NR3C1: variants seen among roughly 807,000 people sequenced by gnomAD.
The protein encoded by NR3C1 is glucocorticoid receptor.
In NR3C1, 14 loss-of-function variants were observed where a neutral mutation model predicts 74.0. The observed-to-expected ratio is 0.19, with a 90% CI of 0.12 to 0.30. NR3C1 has a LOEUF of 0.30. Ranked by LOEUF, NR3C1 falls within the 10% of genes least tolerant of loss-of-function variation. The pLI is 1.00. For synonymous variants in NR3C1, 308 were observed against 332.5 expected (o/e 0.93, Z 0.80); for missense variants, 695 against 909.8 (o/e 0.76, Z 3.04).
In NR3C1 at chr5:143,278,682, G is replaced by C. The variant is rs1812680829; in HGVS notation, c.*3207C>G. 6.6e-6 allele frequency: 1 copy of C among 152,174 alleles called. No homozygotes were observed. Among genetic ancestry groups the C allele is most frequent in the South Asian group, 2.1e-4 (1 of 4,834 alleles). 9.4% of individuals were successfully genotyped at this position (152,174 alleles called of 1,614,324 possible). A position where few individuals can be genotyped will look rare whatever the true frequency, so the allele number is the denominator to read the frequency against. ...CTACCATGGTTCTGGAAGTTTGACA[G>C]ATCAATGTATTGTATAACAATATTT... On this transcript the variant is annotated 3_prime_UTR_variant, in exon 9 of 9. Coordinates refer to ENST00000394464, the MANE Select transcript of NR3C1 (RefSeq NM_000176.3).
chr5:143,283,125 C>T (rs1007049094), intron 7 of NR3C1, among the ~76,000 whole-genome samples: 4 of 152,172 alleles, frequency 2.6e-5, no homozygotes, highest in Admixed American at 1.3e-4. Context: ...CCTCCTGCCT[C>T]GGCCTCCCAA....
chr5:143,299,389 GTAAACATGAAC>G (rs1273871456), intron 5 of NR3C1, among the ~76,000 whole-genome samples: 1 of 149,578 alleles, frequency 6.7e-6, no homozygotes. Flanking sequence ...GTCTGCTTAA[GTAAACATGAAC>G]TAAATAGTAA....
At chr5:143,404,383 C>G, upstream of NR3C1, 2 of 984,186 alleles carry the variant, frequency 2.0e-6, no homozygotes, top group Non-Finnish European at 2.4e-6. Context: ...TACTTTGGGC[C>G]CGGGGGGAGT....
At chr5:143,366,330 G>C (rs1232051476) in intron 2 of NR3C1, among the ~76,000 whole-genome samples, 1 of 152,056 alleles carries the variant, frequency 6.6e-6, no homozygotes, top group Non-Finnish European at 1.5e-5. Context: ...CCAACATGGT[G>C]AAACCCCGTC....
At chr5:143,425,356 G>T (rs1751475232) in intron 1 of NR3C1, among the ~76,000 whole-genome samples, 1 of 152,098 alleles carries the variant, frequency 6.6e-6, no homozygotes, top group Non-Finnish European at 1.5e-5. Flanking sequence ...AGTCAAACTG[G>T]ACTTCATCAC....
chr5:143,353,875 A>G (rs1444583933), intron 2 of NR3C1, among the ~76,000 whole-genome samples: 1 of 152,206 alleles, frequency 6.6e-6, no homozygotes, highest in Non-Finnish European at 1.5e-5. Flanking sequence ...TGTCCTCTGA[A>G]GCCAGACATT....
At chr5:143,363,489 C>T (rs557593290) in intron 2 of NR3C1, among the ~76,000 whole-genome samples, 2 of 152,132 alleles carry the variant, frequency 1.3e-5, no homozygotes, top group East Asian at 1.9e-4. Flanking sequence ...AAAATCATTG[C>T]GTGAACCCAG....
intron 2 of NR3C1, among the ~76,000 whole-genome samples, chr5:143,362,610 C>T (rs1483914799): frequency 6.6e-6 from 1 of 152,088 alleles, no homozygotes; most frequent in Non-Finnish European, 1.5e-5. Context: ...ATCCACCTGC[C>T]TCAGCCTCCC....
At chr5:143,351,126 T>A (rs1160916524) in intron 2 of NR3C1, among the ~76,000 whole-genome samples, 1 of 152,214 alleles carries the variant, frequency 6.6e-6, no homozygotes, top group Non-Finnish European at 1.5e-5. Context: ...ATGACTCATA[T>A]AACTGCCTTC....
At chr5:143,403,883 C>G (rs1484919164), upstream of NR3C1, 32 of 980,152 alleles carry the variant, frequency 3.3e-5, no homozygotes, top group Non-Finnish European at 3.9e-5. Context: ...CGCCTGCACG[C>G]CCGCGTCCCC....
chr5:143,310,986 TG>T (rs1246796365), intron 3 of NR3C1, among the ~76,000 whole-genome samples: 1 of 152,206 alleles, frequency 6.6e-6, no homozygotes, highest in Non-Finnish European at 1.5e-5. Flanking sequence ...AATAATAGTT[TG>T]GGGTAGATGG....
At chr5:143,350,493 G>C (rs936082980) in intron 2 of NR3C1, among the ~76,000 whole-genome samples, 6 of 152,156 alleles carry the variant, frequency 3.9e-5, no homozygotes, top group Admixed American at 3.3e-4. Flanking sequence ...GACTACAGGA[G>C]AAAGAGGAAG....
At position 143,279,600 on chromosome 5, in the gene NR3C1, T is replaced by C. The variant is rs1599628935; in HGVS notation, c.*2289A>G. The C allele has an allele frequency of 2.1e-6, 1 of 485,806 alleles. No individual in the cohort carries two copies. The highest frequency in any genetic ancestry group is 3.4e-6 in the Non-Finnish European group (1 of 293,864). 30.1% of individuals were successfully genotyped at this position (485,806 alleles called of 1,614,324 possible). ...AAATGATTGTTTTTTTATTAAATAA[T>C]TTCTCCAAAATACTGAAAATAACAA... On this transcript the variant is annotated 3_prime_UTR_variant, in exon 9 of 9. Coordinates refer to ENST00000394464, the MANE Select transcript of NR3C1 (RefSeq NM_000176.3).
chr5:143,380,285 T>C (rs374766224), intron 2 of NR3C1, among the ~76,000 whole-genome samples: 25 of 152,342 alleles, frequency 1.6e-4, no homozygotes, highest in East Asian at 1.2e-3. Flanking sequence ...CTAGGTGCTT[T>C]GGTGTAATAA....
chr5:143,380,400 T>C (rs904917832), intron 2 of NR3C1, among the ~76,000 whole-genome samples: 1 of 148,606 alleles, frequency 6.7e-6, no homozygotes, highest in African/African-American at 2.5e-5. Context: ...ACAAAAACCA[T>C]TTTTTTTTAA....
chr5:143,349,581 A>T (rs1002653428), intron 2 of NR3C1, among the ~76,000 whole-genome samples: 2 of 152,172 alleles, frequency 1.3e-5, no homozygotes, highest in African/African-American at 4.8e-5. Context: ...AGTATTTCCT[A>T]AAACAAACTC....
intron 7 of NR3C1, chr5:143,294,891 G>A: frequency 1.0e-6 from 1 of 978,070 alleles, no homozygotes; most frequent in Non-Finnish European, 1.2e-6. Context: ...CCTACTGAAG[G>A]ACATCTTTGT....
intron 8 of NR3C1, among the ~76,000 whole-genome samples, chr5:143,282,252 A>C (rs1469630688): frequency 6.6e-6 from 1 of 152,206 alleles, no homozygotes; most frequent in Non-Finnish European, 1.5e-5. Context: ...TTCATGAATC[A>C]CTGTAGTACC....
intron 2 of NR3C1, among the ~76,000 whole-genome samples, chr5:143,362,748 T>C (rs1832513442): frequency 6.6e-6 from 1 of 152,154 alleles, no homozygotes; most frequent in South Asian, 2.1e-4. Context: ...TTGCCTAACT[T>C]AGAACTGGCT....
Sources: allele counts gnomAD v4.1 joint callset (sites outside exome capture counted in the v4.1 genomes callset), GRCh38; gene constraint gnomAD v4.1.1; transcripts MANE v1.5; gene names NCBI Gene and HGNC (gene_info 2026-07-23, HGNC 2026-07-21).